The following GRID2 variants were observed in gnomAD, a reference collection of about 807,000 sequenced individuals.
GRID2 encodes glutamate receptor ionotropic, delta-2.
A neutral mutation model predicts 114.8 loss-of-function variants in GRID2; 33 were observed. The observed-to-expected ratio is 0.29, with a 90% confidence interval of 0.22 to 0.38. GRID2 has a LOEUF of 0.38. GRID2 is among the 10% of genes least tolerant of loss of function. The pLI, the probability that GRID2 is intolerant of heterozygous loss-of-function variation, is 1.00. For missense variants in GRID2, 1,184 were observed against 1,257.7 expected, an observed-to-expected ratio of 0.94 and a Z score of 0.89; for synonymous variants, 505 against 449.9, an observed-to-expected ratio of 1.12 and a Z score of -1.55.
chr4:93,393,349 C>CG (rs1765033040), intron 8 of GRID2, among the ~76,000 whole-genome samples: 2 of 150,700 alleles, frequency 1.3e-5, no homozygotes, highest in Admixed American at 6.6e-5. Flanking sequence ...ATGAGTCAGG[C>CG]GGAAAAAAAA....
At chr4:92,970,864 AC>A (rs1353278098) in intron 2 of GRID2, among the ~76,000 whole-genome samples, 4 of 151,870 alleles carry the variant, frequency 2.6e-5, no homozygotes, top group Non-Finnish European at 5.9e-5. Context: ...TTGATAAAGT[AC>A]CCCTTGCTTT....
chr4:92,346,122 C>G (rs563971545), intron 1 of GRID2, among the ~76,000 whole-genome samples: 3 of 152,136 alleles, frequency 2.0e-5, no homozygotes, highest in Admixed American at 2.0e-4. Context: ...CATGTCAGCT[C>G]CTCACTGGTT....
intron 13 of GRID2, among the ~76,000 whole-genome samples, chr4:93,582,095 A>T (rs1028490977): frequency 6.6e-6 from 1 of 152,194 alleles, no homozygotes; most frequent in Non-Finnish European, 1.5e-5. Flanking sequence ...TCTGGGTCAC[A>T]TGTTCAAAAT....
At chr4:93,255,243 T>A (rs987334810) in intron 8 of GRID2, among the ~76,000 whole-genome samples, 1 of 152,106 alleles carries the variant, frequency 6.6e-6, no homozygotes, top group African/African-American at 2.4e-5. Flanking sequence ...AAATTAGCAA[T>A]CATTTGGTGA....
At chr4:92,485,344 A>AG (rs1332411633) in intron 1 of GRID2, among the ~76,000 whole-genome samples, 379 of 59,864 alleles carry the variant, frequency 6.3e-3, no homozygotes, top group Non-Finnish European at 9.6e-3. Context: ...ATATATATAT[A>AG]TATAGTGTGT....
chr4:92,736,902 C>T (rs1211026884), intron 2 of GRID2, among the ~76,000 whole-genome samples: 1 of 152,056 alleles, frequency 6.6e-6, no homozygotes, highest in Admixed American at 6.6e-5. Flanking sequence ...ATACATCAGC[C>T]TTAGCAAAAC....
chr4:93,046,737 C>T (rs1726173460), intron 2 of GRID2, among the ~76,000 whole-genome samples: 1 of 151,834 alleles, frequency 6.6e-6, no homozygotes, highest in Non-Finnish European at 1.5e-5. Flanking sequence ...ACTAAGCAAC[C>T]ATTTTCATAC....
At chr4:92,579,899 G>A (rs1728091837) in intron 1 of GRID2, among the ~76,000 whole-genome samples, 2 of 148,048 alleles carry the variant, frequency 1.4e-5, no homozygotes, top group Non-Finnish European at 3.0e-5. Context: ...CTTAAAAGAT[G>A]AAACTGAGTC....
At chr4:93,119,356 A>G (rs915877328) in intron 4 of GRID2, among the ~76,000 whole-genome samples, 6 of 152,308 alleles carry the variant, frequency 3.9e-5, no homozygotes, top group African/African-American at 4.8e-5. Context: ...GTTTTTATAT[A>G]GGAATAATGT....
intron 14 of GRID2, among the ~76,000 whole-genome samples, chr4:93,659,666 G>A (rs1029904188): frequency 1.3e-5 from 2 of 152,114 alleles, no homozygotes; most frequent in South Asian, 2.1e-4. Flanking sequence ...AAGACATCAG[G>A]AAGAAGAGAT....
chr4:93,162,756 T>C (rs1252484238), intron 4 of GRID2, among the ~76,000 whole-genome samples: 1 of 151,904 alleles, frequency 6.6e-6, no homozygotes, highest in Non-Finnish European at 1.5e-5. Flanking sequence ...GTACCAATAA[T>C]TAGAAAGAAG....
intron 3 of GRID2, among the ~76,000 whole-genome samples, chr4:93,108,811 A>G (rs1351546760): frequency 6.6e-6 from 1 of 151,868 alleles, no homozygotes; most frequent in Non-Finnish European, 1.5e-5. Context: ...TCGTATTTTT[A>G]GTAGAGATGG....
chr4:92,513,065 A>C (rs1360095380), intron 1 of GRID2, among the ~76,000 whole-genome samples: 1 of 151,868 alleles, frequency 6.6e-6, no homozygotes, highest in Non-Finnish European at 1.5e-5. Context: ...GCACATTTGC[A>C]AGATTTTTAT....
intron 4 of GRID2, among the ~76,000 whole-genome samples, chr4:93,192,682 G>T (rs940823536): frequency 6.6e-6 from 1 of 150,650 alleles, no homozygotes; most frequent in African/African-American, 2.5e-5. Flanking sequence ...GGGAGGCAGA[G>T]GTTGCAGTGA....
At chr4:93,358,001 T>A (rs1177589651) in intron 8 of GRID2, among the ~76,000 whole-genome samples, 1 of 151,820 alleles carries the variant, frequency 6.6e-6, no homozygotes, top group African/African-American at 2.4e-5. Flanking sequence ...CAAAATATTA[T>A]TATTCTTTTT....
At chr4:93,087,760 T>C (rs1229474370) in intron 3 of GRID2, among the ~76,000 whole-genome samples, 2 of 152,222 alleles carry the variant, frequency 1.3e-5, no homozygotes, top group Non-Finnish European at 2.9e-5. Context: ...AGTAATGCCC[T>C]TGTTTAATGA....
chr4:92,814,340 G>A (rs1410438798), intron 2 of GRID2, among the ~76,000 whole-genome samples: 3 of 152,122 alleles, frequency 2.0e-5, no homozygotes, highest in Non-Finnish European at 4.4e-5. Flanking sequence ...AATAACTAAA[G>A]AGGAGTCTAA....
intron 11 of GRID2, among the ~76,000 whole-genome samples, chr4:93,463,529 C>T (rs1462444534): frequency 1.3e-5 from 2 of 152,140 alleles, no homozygotes; most frequent in Non-Finnish European, 2.9e-5. Context: ...AGAACTAGTA[C>T]AATCAACATC....
At chr4:93,417,675 C>T (rs1321514329) in intron 9 of GRID2, among the ~76,000 whole-genome samples, 2 of 151,758 alleles carry the variant, frequency 1.3e-5, no homozygotes, top group African/African-American at 4.8e-5. Context: ...TCAATTTACC[C>T]ATTTTTGAAT....
Sources: allele counts gnomAD v4.1 joint callset (sites outside exome capture counted in the v4.1 genomes callset), GRCh38; gene constraint gnomAD v4.1.1; transcripts MANE v1.5; gene names NCBI Gene and HGNC (gene_info 2026-07-23, HGNC 2026-07-21).